RDX: variants seen among roughly 807,000 people sequenced by gnomAD.
RDX encodes radixin.
RDX carries 32 observed loss-of-function variants against 83.7 expected under a neutral mutation model. That is an observed-to-expected ratio of 0.38 (90% CI 0.29 to 0.51). RDX has a LOEUF of 0.51. Ranked by LOEUF, RDX falls within the 20% of genes least tolerant of loss-of-function variation. RDX has a pLI of 0.87. For missense variants in RDX, 600 were observed against 689.9 expected (o/e 0.87, Z 1.46); for synonymous variants, 229 against 222.7 (o/e 1.03, Z -0.25).
At chr11:110,295,083 C>A (rs1393656500) in intron 1 of RDX, among the ~76,000 whole-genome samples, 1 of 152,098 alleles carries the variant, frequency 6.6e-6, no homozygotes, top group East Asian at 1.9e-4. Flanking sequence ...TTACATGTTG[C>A]TGTATTTGAA....
chr11:110,240,559 C>A (rs573345585), intron 10 of RDX, among the ~76,000 whole-genome samples: 194 of 150,656 alleles, frequency 1.3e-3, no homozygotes, highest in Non-Finnish European at 2.5e-3. Flanking sequence ...CTGGCTAACA[C>A]GGTGAAACCC....
intron 10 of RDX, among the ~76,000 whole-genome samples, chr11:110,243,449 G>A (rs535176663): frequency 2.0e-5 from 3 of 152,302 alleles, no homozygotes; most frequent in Admixed American, 1.3e-4. Flanking sequence ...TGGGCACAGT[G>A]GCTCAGGCCT....
downstream of RDX, among the ~76,000 whole-genome samples, chr11:110,228,377 G>C (rs1306151919): frequency 2.0e-5 from 3 of 151,976 alleles, no homozygotes; most frequent in Non-Finnish European, 2.9e-5. Context: ...TAAAAAAATG[G>C]AAGTGGTACA....
At chr11:110,177,423 C>T (rs147376800) in intron 15 of RDX, among the ~76,000 whole-genome samples, 2 of 152,324 alleles carry the variant, frequency 1.3e-5, no homozygotes, top group Non-Finnish European at 2.9e-5. Context: ...ATGTTCAGCT[C>T]CAGCGTCTAG....
chr11:110,266,054 GT>G (rs1185983030), intron 3 of RDX, among the ~76,000 whole-genome samples: 20 of 152,120 alleles, frequency 1.3e-4, no homozygotes, highest in African/African-American at 4.6e-4. Flanking sequence ...GCTGTGCGCA[GT>G]GGCTCACGTC....
intron 3 of RDX, among the ~76,000 whole-genome samples, chr11:110,266,420 A>T (rs916652383): frequency 1.1e-4 from 17 of 152,292 alleles, no homozygotes; most frequent in Non-Finnish European, 1.9e-4. Context: ...ACAAAAGCAT[A>T]TGTTTTTTAA....
intron 1 of RDX, among the ~76,000 whole-genome samples, chr11:110,295,572 A>AC (rs1384906843): frequency 7.3e-5 from 11 of 151,414 alleles, no homozygotes; most frequent in Admixed American, 2.6e-4. Flanking sequence ...AAAAAAAAAA[A>AC]CCACCAAATA....
At chr11:110,189,126 C>T (rs1439064582) in intron 15 of RDX, among the ~76,000 whole-genome samples, 1 of 151,002 alleles carries the variant, frequency 6.6e-6, no homozygotes, top group African/African-American at 2.4e-5. Flanking sequence ...CATTTAATGA[C>T]ACCCATAGGT....
chr11:110,184,890 T>G (rs1248319937), intron 15 of RDX, among the ~76,000 whole-genome samples: 1 of 152,152 alleles, frequency 6.6e-6, no homozygotes. Flanking sequence ...CTGTTAGAGT[T>G]TGAGACGGTG....
At chr11:110,237,147 CTATAT>C (rs1051517429) in intron 11 of RDX, among the ~76,000 whole-genome samples, 3 of 143,616 alleles carry the variant, frequency 2.1e-5, no homozygotes, top group African/African-American at 5.6e-5. Flanking sequence ...TAACATATAT[CTATAT>C]TATATAACTA....
At chr11:110,244,741 CA>C (rs1865240498) in intron 10 of RDX, among the ~76,000 whole-genome samples, 1 of 151,944 alleles carries the variant, frequency 6.6e-6, no homozygotes, top group Admixed American at 6.6e-5. Flanking sequence ...TATATCTCAA[CA>C]AAGCTATTAG....
chr11:110,211,718 C>T (rs1383134588), intron 14 of RDX, among the ~76,000 whole-genome samples: 2 of 146,116 alleles, frequency 1.4e-5, no homozygotes, highest in Non-Finnish European at 3.0e-5. Context: ...ACTGAACAAC[C>T]TGCTCCTGAA....
At chr11:110,186,369 T>C (rs1417803998) in intron 15 of RDX, among the ~76,000 whole-genome samples, 1 of 152,166 alleles carries the variant, frequency 6.6e-6, no homozygotes, top group East Asian at 1.9e-4. Flanking sequence ...AGGTGGTGCT[T>C]TGACCTGTCA....
intron 10 of RDX, among the ~76,000 whole-genome samples, chr11:110,247,162 A>C (rs948160434): frequency 6.6e-6 from 1 of 151,502 alleles, no homozygotes; most frequent in Non-Finnish European, 1.5e-5. Flanking sequence ...TTGCCTAAGA[A>C]GTAAGTTCTT....
At chr11:110,272,912 T>C (rs1216505503) in intron 2 of RDX, 1 of 476,856 alleles carries the variant, frequency 2.1e-6, no homozygotes, top group Non-Finnish European at 4.1e-6. Context: ...ATTATTCACC[T>C]AAGGACACGT....
intron 2 of RDX, among the ~76,000 whole-genome samples, chr11:110,274,604 G>A (rs993033957): frequency 7.2e-5 from 11 of 152,100 alleles, no homozygotes; most frequent in Admixed American, 2.0e-4. Flanking sequence ...CGATCCTACC[G>A]CCTCAGCCTC....
In RDX at chr11:110,231,469, G is replaced by C; in HGVS notation, c.*400C>G. 8.0e-6 allele frequency: 2 copies of C among 248,488 alleles called. No homozygotes were observed. The highest frequency in any genetic ancestry group is 5.5e-5 in the South Asian group (1 of 18,102). 15.4% of individuals were successfully genotyped at this position (248,488 alleles called of 1,614,324 possible). A position where few individuals can be genotyped will look rare whatever the true frequency, so the allele number is the denominator to read the frequency against. ...GAAAATGTGAGTGAGAGAGAATGTG[G>C]AAATAGGTTAAATATGGAAAGGGCA... On this transcript the variant is annotated 3_prime_UTR_variant, in exon 14 of 14. Transcript: ENST00000645495.
intron 1 of RDX, chr11:110,288,227 T>C (rs1861065745): frequency 6.6e-6 from 1 of 152,228 alleles, no homozygotes; most frequent in Admixed American, 6.5e-5. Context: ...ATTTCTAAAA[T>C]TTATAAAGCT....
intron 2 of RDX, among the ~76,000 whole-genome samples, chr11:110,276,731 C>A (rs1860533319): frequency 6.6e-6 from 1 of 152,108 alleles, no homozygotes. Flanking sequence ...TAGGTATTTT[C>A]TCCTAGATCA....
Sources: gnomAD v4.1 joint callset for allele counts (sites outside exome capture counted in the v4.1 genomes callset) on GRCh38, gnomAD v4.1.1 for gene constraint, MANE v1.5 for transcripts, NCBI Gene and HGNC (gene_info 2026-07-23, HGNC 2026-07-21) for gene names.